Variants in ST3GAL3 observed in about 807,000 individuals in gnomAD.
ST3GAL3 encodes ST3 beta-galactoside alpha-2,3-sialyltransferase 3.
A neutral mutation model predicts 50.1 loss-of-function variants in ST3GAL3; 21 were observed. That is an observed-to-expected ratio of 0.42 (90% CI 0.30 to 0.60). The LOEUF (loss-of-function observed/expected upper bound fraction) is 0.60. Among genes scored for constraint, ST3GAL3 ranks in the 20% least tolerant of loss-of-function variants. The pLI is 0.19. For missense variants in ST3GAL3, 353 were observed against 489.4 expected, an observed-to-expected ratio of 0.72 and a Z score of 2.63; for synonymous variants, 183 against 190.0, an observed-to-expected ratio of 0.96 and a Z score of 0.30.
chr1:43,790,897 A>C (rs902943151), intron 2 of ST3GAL3, among the ~76,000 whole-genome samples: 1 of 151,970 alleles, frequency 6.6e-6, no homozygotes, highest in Non-Finnish European at 1.5e-5. Flanking sequence ...CAGCCTCCCA[A>C]AGTGCTGGGA....
chr1:43,718,450 A>G (rs1668582912), intron 1 of ST3GAL3, among the ~76,000 whole-genome samples: 1 of 151,800 alleles, frequency 6.6e-6, no homozygotes, highest in Admixed American at 6.6e-5. Flanking sequence ...CGGCCTCTCA[A>G]AGTGCTGGGA....
intron 3 of ST3GAL3, among the ~76,000 whole-genome samples, chr1:43,799,167 T>C (rs1039104690): frequency 1.3e-5 from 2 of 152,234 alleles, no homozygotes; most frequent in African/African-American, 4.8e-5. Context: ...CACCAAAATA[T>C]TTGTAGCAGT....
intron 3 of ST3GAL3, among the ~76,000 whole-genome samples, chr1:43,807,291 C>G (rs978555825): frequency 1.3e-5 from 2 of 152,084 alleles, no homozygotes; most frequent in Admixed American, 6.6e-5. Flanking sequence ...TGGCACACCC[C>G]TGTAATCCCA....
intron 4 of ST3GAL3, among the ~76,000 whole-genome samples, chr1:43,825,578 G>A (rs771491871): frequency 2.6e-5 from 4 of 152,232 alleles, no homozygotes; most frequent in Non-Finnish European, 4.4e-5. Context: ...GAGACCTGAG[G>A]GTGGAACTTG....
intron 4 of ST3GAL3, among the ~76,000 whole-genome samples, chr1:43,820,952 T>C (rs771551184): frequency 2.0e-4 from 30 of 152,216 alleles, no homozygotes; most frequent in Non-Finnish European, 4.0e-4. Flanking sequence ...TATCAGTGTC[T>C]GGTAAACTAG....
intron 4 of ST3GAL3, among the ~76,000 whole-genome samples, chr1:43,820,560 G>T (rs546706371): frequency 6.6e-6 from 1 of 152,106 alleles, no homozygotes; most frequent in African/African-American, 2.4e-5. Context: ...CTTATGTCTA[G>T]TGATATTCCA....
chr1:43,781,824 C>T (rs1366383088), intron 2 of ST3GAL3, among the ~76,000 whole-genome samples: 1 of 152,148 alleles, frequency 6.6e-6, no homozygotes, highest in Non-Finnish European at 1.5e-5. Flanking sequence ...TGATCACCTC[C>T]CATTTCATAG....
chr1:43,858,678 A>G (rs1465892990), intron 5 of ST3GAL3, among the ~76,000 whole-genome samples: 1 of 152,142 alleles, frequency 6.6e-6, no homozygotes, highest in East Asian at 1.9e-4. Context: ...TCTGAGCTCC[A>G]CCCACACAAG....
In ST3GAL3 at chr1:43,714,432, C is replaced by CAAA. The variant is rs35400929; in HGVS notation, c.-31+6760_-31+6762dup. The stretch of plus-strand genomic sequence containing the variant: ...GTGAAACCCCGTCTCTACTAAAATA[C>CAAA]AAAAAAAAAAAAAAAAAAAAAAATT... On this transcript the variant is annotated intron_variant, in intron 1 of 11. Transcript: ENST00000347631. Among the ~76,000 whole-genome samples, 694 of 73,698 alleles carry CAAA rather than the reference C, an allele frequency of 9.4e-3. 9 individuals carry two copies. The highest frequency in any genetic ancestry group is 0.022 in the African/African-American group (335 of 15,518). 48.3% of individuals were successfully genotyped at this position (73,698 alleles called of 152,430 possible). A position where few individuals can be genotyped will look rare whatever the true frequency, so the allele number is the denominator to read the frequency against.
rs144628629 is a variant in ST3GAL3 at position 43,710,273 on chromosome 1, G to A, written c.-31+2580G>A. Among the ~76,000 whole-genome samples the A allele has an allele frequency of 6.9e-3, 1,049 of 152,136 alleles. 5 individuals are homozygous for A. The highest frequency in any genetic ancestry group is 0.013 in the Admixed American group (204 of 15,288). ...ATTTTTGTATTTTTAATAGAGACGG[G>A]GTTTCACCATGTTGGCCAGGCTGAT... On this transcript the variant is annotated intron_variant, in intron 1 of 11. Transcript: ENST00000347631.
chr1:43,855,222 A>G (rs1407344550), intron 5 of ST3GAL3, among the ~76,000 whole-genome samples: 1 of 152,314 alleles, frequency 6.6e-6, no homozygotes, highest in East Asian at 1.9e-4. Flanking sequence ...TGTGCCAGAC[A>G]CTGTATTTCA....
At chr1:43,850,640 A>G (rs1558572846) in intron 5 of ST3GAL3, 1 of 754,102 alleles carries the variant, frequency 1.3e-6, no homozygotes, top group South Asian at 1.4e-5. Context: ...CCCTTCTGCC[A>G]TCTGTGCCTT....
intron 3 of ST3GAL3, among the ~76,000 whole-genome samples, chr1:43,794,948 A>T (rs2058516600): frequency 6.6e-6 from 1 of 151,840 alleles, no homozygotes; most frequent in Non-Finnish European, 1.5e-5. Flanking sequence ...TAATAGCTAG[A>T]TGGTGGTGTT....
chr1:43,926,298 AG>A (rs2083906795), intron 11 of ST3GAL3, among the ~76,000 whole-genome samples: 1 of 152,168 alleles, frequency 6.6e-6, no homozygotes, highest in African/African-American at 2.4e-5. Flanking sequence ...CCAAAGAAAA[AG>A]AGCTTCTGGC....
intron 1 of ST3GAL3, among the ~76,000 whole-genome samples, chr1:43,731,036 A>G (rs1465470869): frequency 6.7e-6 from 1 of 148,642 alleles, no homozygotes; most frequent in Non-Finnish European, 1.5e-5. Context: ...ACTTAGTCTT[A>G]TTTTTTTTTT....
chr1:43,825,902 GC>G (rs1322667551), intron 4 of ST3GAL3, among the ~76,000 whole-genome samples: 1 of 152,010 alleles, frequency 6.6e-6, no homozygotes, highest in Non-Finnish European at 1.5e-5. Context: ...TAAACCTAGA[GC>G]CAAAAATAGA....
chr1:43,817,319 G>GCTT (rs962563427), intron 4 of ST3GAL3, among the ~76,000 whole-genome samples: 1 of 151,872 alleles, frequency 6.6e-6, no homozygotes, highest in African/African-American at 2.4e-5. Context: ...TTAGCTTGCT[G>GCTT]CTTCTTCTTC....
intron 1 of ST3GAL3, chr1:43,720,589 A>C (rs1669937953): frequency 6.6e-6 from 1 of 152,220 alleles, no homozygotes; most frequent in Non-Finnish European, 1.5e-5. Context: ...AGAGAGAAAG[A>C]GACTGAACTC....
chr1:43,870,221 A>G (rs2072338403), intron 5 of ST3GAL3, among the ~76,000 whole-genome samples: 1 of 152,234 alleles, frequency 6.6e-6, no homozygotes, highest in Non-Finnish European at 1.5e-5. Flanking sequence ...TGAGGCTAAA[A>G]TGATATTGTA....
Sources: gnomAD v4.1 joint callset for allele counts (sites outside exome capture counted in the v4.1 genomes callset) on GRCh38, gnomAD v4.1.1 for gene constraint, MANE v1.5 for transcripts, NCBI Gene and HGNC (gene_info 2026-07-23, HGNC 2026-07-21) for gene names.